Variants in EPB41L2 observed in about 807,000 individuals in gnomAD.
EPB41L2 encodes erythrocyte membrane protein band 4.1 like 2.
A neutral mutation model predicts 113.0 loss-of-function variants in EPB41L2; 43 were observed. The observed-to-expected ratio is 0.38, with a 90% CI of 0.30 to 0.49. The LOEUF (loss-of-function observed/expected upper bound fraction) is 0.49. Among genes scored for constraint, EPB41L2 ranks in the 20% least tolerant of loss-of-function variants. The pLI is 0.95. For missense variants in EPB41L2, 1,147 were observed against 1,223.4 expected (o/e 0.94, Z 0.93); for synonymous variants, 442 against 436.7 (o/e 1.01, Z -0.15).
chr6:130,870,802 A>G (rs1386663271), intron 14 of EPB41L2, among the ~76,000 whole-genome samples: 1 of 149,412 alleles, frequency 6.7e-6, no homozygotes, highest in Non-Finnish European at 1.5e-5. Flanking sequence ...TGGCACTTTT[A>G]TTTTTTGCTG....
chr6:131,010,481 C>T (rs1010439113), intron 1 of EPB41L2, among the ~76,000 whole-genome samples: 4 of 151,022 alleles, frequency 2.6e-5, no homozygotes, highest in Admixed American at 1.3e-4. Context: ...GGTGCAATCT[C>T]GGCTCACTGC....
At chr6:130,918,087 G>A (rs927801097) in intron 4 of EPB41L2, among the ~76,000 whole-genome samples, 1 of 152,162 alleles carries the variant, frequency 6.6e-6, no homozygotes, top group Non-Finnish European at 1.5e-5. Flanking sequence ...AAAGTTACAG[G>A]CACTGTATCA....
intron 18 of EPB41L2, among the ~76,000 whole-genome samples, chr6:130,860,224 A>T: frequency 6.6e-6 from 1 of 152,214 alleles, no homozygotes; most frequent in East Asian, 1.9e-4. Flanking sequence ...CAGACAAATG[A>T]TCAAATACTT....
intron 1 of EPB41L2, among the ~76,000 whole-genome samples, chr6:131,001,630 G>A (rs990917346): frequency 2.0e-5 from 3 of 152,088 alleles, no homozygotes; most frequent in African/African-American, 7.2e-5. Flanking sequence ...GGAAAAGAAC[G>A]AAAAGTATAA....
At chr6:130,978,268 C>T (rs1390643555) in intron 1 of EPB41L2, among the ~76,000 whole-genome samples, 1 of 152,236 alleles carries the variant, frequency 6.6e-6, no homozygotes, top group African/African-American at 2.4e-5. Context: ...TTGTAATAAG[C>T]AATGCCCAGC....
At chr6:130,887,839 C>A (rs1337386309) in intron 11 of EPB41L2, among the ~76,000 whole-genome samples, 2 of 152,124 alleles carry the variant, frequency 1.3e-5, no homozygotes, top group African/African-American at 2.4e-5. Context: ...GTTCCTCAAC[C>A]CCCAAATGCA....
At position 130,954,040 on chromosome 6, in the gene EPB41L2, C is replaced by CTTTTTTTT. The variant is rs780758511; in HGVS notation, c.705+1057_705+1064dup. 7.8e-3 allele frequency among the ~76,000 whole-genome samples: 457 copies of CTTTTTTTT among 58,838 alleles called. 48 individuals are homozygous for CTTTTTTTT. Among genetic ancestry groups the CTTTTTTTT allele is most frequent in the African/African-American group, 0.011 (198 of 18,608 alleles). The allele number at this position is 58,838 out of a possible 152,430, so 38.6% of individuals were successfully genotyped here. On this transcript the variant is annotated intron_variant, in intron 3 of 19. Transcript: ENST00000337057. ...TCCTCTTTTGCTAGTCCTTTTCTTT[C>CTTTTTTTT]TTTTTTTTTTTTTTTTTTTTTTTTT...
At position 130,900,979 on chromosome 6, in the gene EPB41L2, C is replaced by A. The variant is rs1796115776; in HGVS notation, c.1131G>T (p.Glu377Asp). The A allele has an allele frequency of 6.2e-7, 1 of 1,614,144 alleles. No homozygotes were observed. Among genetic ancestry groups the A allele is most frequent in the Non-Finnish European group, 8.5e-7 (1 of 1,180,000 alleles). ...QTKELEEKVA[E>D]LHKTHRGLSP... ...CAACAGACCTGTGGGTTTTGTGCAG[C>A]TCTGCCACCTTCTCTTCCAGCTCCT... The change falls in exon 7 of 20, where the codon GAG becomes GAT. Residue 377 changes from glutamate (E) to aspartate (D), a missense_variant. Physicochemically the swap from Glu to Asp is conservative, Grantham distance 45. Coordinates refer to ENST00000337057, the MANE Select transcript of EPB41L2 (RefSeq NM_001431.4).
chr6:131,005,658 C>G (rs2128718596), intron 1 of EPB41L2, among the ~76,000 whole-genome samples: 1 of 152,276 alleles, frequency 6.6e-6, no homozygotes, highest in South Asian at 2.1e-4. Context: ...TGTATGCATT[C>G]CTACTTAAAA....
intron 1 of EPB41L2, among the ~76,000 whole-genome samples, chr6:131,051,459 A>AAAAG (rs1461304749): frequency 6.7e-6 from 1 of 149,576 alleles, no homozygotes; most frequent in African/African-American, 2.4e-5. Flanking sequence ...AAGCAAAAAA[A>AAAAG]AAAAAAACAC....
chr6:130,903,398 T>A (rs1304525586), intron 6 of EPB41L2, among the ~76,000 whole-genome samples: 8 of 142,156 alleles, frequency 5.6e-5, no homozygotes, highest in Non-Finnish European at 7.8e-5. Context: ...ACAAGTAGTT[T>A]AAAAAAAAAA....
chr6:130,926,274 G>A (rs1427410883), intron 4 of EPB41L2, among the ~76,000 whole-genome samples: 2 of 152,162 alleles, frequency 1.3e-5, no homozygotes, highest in Non-Finnish European at 2.9e-5. Flanking sequence ...GTGATTGAGA[G>A]CCAAAAGTGA....
intron 1 of EPB41L2, among the ~76,000 whole-genome samples, chr6:130,974,248 T>C (rs927968758): frequency 6.6e-6 from 1 of 152,058 alleles, no homozygotes; most frequent in Non-Finnish European, 1.5e-5. Flanking sequence ...CTCTCTACCA[T>C]GAAGGGCACA....
At chr6:130,846,808 A>T (rs1777178197) in intron 19 of EPB41L2, among the ~76,000 whole-genome samples, 1 of 152,200 alleles carries the variant, frequency 6.6e-6, no homozygotes, top group Non-Finnish European at 1.5e-5. Context: ...AGTAATAAAG[A>T]TACTGAGCTT....
chr6:130,920,355 G>T (rs537187734), intron 4 of EPB41L2, among the ~76,000 whole-genome samples: 16 of 152,284 alleles, frequency 1.1e-4, no homozygotes, highest in Admixed American at 6.5e-4. Context: ...GACAGTGTAG[G>T]TATCAAACAT....
At chr6:130,915,286 G>C (rs899756991) in intron 4 of EPB41L2, among the ~76,000 whole-genome samples, 1 of 152,172 alleles carries the variant, frequency 6.6e-6, no homozygotes, top group African/African-American at 2.4e-5. Context: ...CTGGGCGACA[G>C]AGCGAGACTC....
intron 1 of EPB41L2, among the ~76,000 whole-genome samples, chr6:130,962,912 G>C (rs530203003): frequency 1.3e-5 from 2 of 152,224 alleles, no homozygotes; most frequent in South Asian, 4.2e-4. Context: ...AAGTCCACTG[G>C]TGGGCTTCTG....
At chr6:130,978,883 A>C (rs1489869245) in intron 1 of EPB41L2, 1 of 152,228 alleles carries the variant, frequency 6.6e-6, no homozygotes, top group Non-Finnish European at 1.5e-5. Flanking sequence ...TTGAAGGATA[A>C]GAAGGAGCTT....
In EPB41L2 at chr6:130,923,222, G is replaced by A. The variant is rs74458961; in HGVS notation, c.810+3383C>T. ...TTCCACTGCCAAAACCTTACTCAAGGCTACTTTTGTGCTTTGGGTGTACAG... is the reference window on the plus strand; with the variant it reads ...TTCCACTGCCAAAACCTTACTCAAGACTACTTTTGTGCTTTGGGTGTACAG... On this transcript the variant is annotated intron_variant, in intron 4 of 19. Coordinates refer to ENST00000337057, the MANE Select transcript of EPB41L2 (RefSeq NM_001431.4). Among the ~76,000 whole-genome samples, 1,143 of 152,078 alleles carry A rather than the reference G, an allele frequency of 7.5e-3. 16 individuals are homozygous for A. The highest frequency in any genetic ancestry group is 0.01 in the Non-Finnish European group (713 of 67,988).
Sources: allele counts gnomAD v4.1 joint callset (sites outside exome capture counted in the v4.1 genomes callset), GRCh38; gene constraint gnomAD v4.1.1; transcripts MANE v1.5; gene names NCBI Gene and HGNC (gene_info 2026-07-23, HGNC 2026-07-21).